Variants in SMIM14 observed in about 807,000 individuals in gnomAD.
SMIM14 encodes chromosome 4 open reading frame 34.
A neutral mutation model predicts 12.6 loss-of-function variants in SMIM14; 5 were observed. The ratio of observed to expected loss-of-function variants is 0.40; its 90% confidence interval spans 0.21 to 0.83. The LOEUF is 0.83. Among genes scored for constraint, SMIM14 ranks in the 40% least tolerant of loss-of-function variants. SMIM14 has a pLI of 0.37. For synonymous variants in SMIM14, 30 were observed against 40.1 expected (o/e 0.75, Z 0.95); for missense variants, 86 against 119.1 (o/e 0.72, Z 1.29).
At chr4:39,570,604 A>C (rs1712832994) in intron 3 of SMIM14, among the ~76,000 whole-genome samples, 1 of 152,194 alleles carries the variant, frequency 6.6e-6, no homozygotes, top group African/African-American at 2.4e-5. Flanking sequence ...CTAAGGTTCT[A>C]GTAAAAGGAA....
At chr4:39,609,346 T>C (rs995201256) in intron 1 of SMIM14, among the ~76,000 whole-genome samples, 38 of 152,092 alleles carry the variant, frequency 2.5e-4, no homozygotes, top group African/African-American at 8.9e-4. Context: ...AGCTGTTACA[T>C]AAATGGTGCC....
intron 2 of SMIM14, among the ~76,000 whole-genome samples, chr4:39,581,907 T>C (rs1215540332): frequency 2.7e-5 from 4 of 149,956 alleles, no homozygotes; most frequent in Non-Finnish European, 5.9e-5. Context: ...GTTTCACTCT[T>C]GTTGCCCAGG....
In SMIM14 at chr4:39,595,256, G is replaced by A. The variant is rs1015707609; in HGVS notation, c.75+9815C>T. ...ATGATGAGTTCATGTCCTTTGTAGGGACATGGATGAAATTGGAAATCATCA... is the reference window on the plus strand; with the variant it reads ...ATGATGAGTTCATGTCCTTTGTAGGAACATGGATGAAATTGGAAATCATCA... On this transcript the variant is annotated intron_variant, in intron 2 of 4. Coordinates refer to ENST00000295958, the MANE Select transcript of SMIM14 (RefSeq NM_174921.3). Among the ~76,000 whole-genome samples the A allele has an allele frequency of 8.0e-4, 120 of 150,570 alleles. 1 individual carries two copies. The highest frequency in any genetic ancestry group is 2.9e-3 in the African/African-American group (119 of 40,944).
At chr4:39,562,675 C>CT (rs1265457690) in intron 3 of SMIM14, among the ~76,000 whole-genome samples, 2 of 151,740 alleles carry the variant, frequency 1.3e-5, no homozygotes, top group Non-Finnish European at 2.9e-5. Flanking sequence ...ATTTTTAAAA[C>CT]TTTTTTTATT....
intron 3 of SMIM14, among the ~76,000 whole-genome samples, chr4:39,564,000 T>C (rs1374325420): frequency 6.6e-6 from 1 of 152,120 alleles, no homozygotes; most frequent in African/African-American, 2.4e-5. Flanking sequence ...CCATCTTGGC[T>C]CACTGCAACC....
intron 2 of SMIM14, among the ~76,000 whole-genome samples, chr4:39,579,759 G>A (rs762615796): frequency 6.0e-5 from 9 of 149,030 alleles, no homozygotes; most frequent in Admixed American, 2.1e-4. Context: ...CAGGAGAATC[G>A]CTTGAACCCC....
chr4:39,635,097 A>T (rs1716042927), intron 1 of SMIM14, among the ~76,000 whole-genome samples: 1 of 152,248 alleles, frequency 6.6e-6, no homozygotes, highest in East Asian at 1.9e-4. Flanking sequence ...ATCTGACCTA[A>T]CACCTGAATA....
At chr4:39,609,668 C>T (rs77932110) in intron 1 of SMIM14, among the ~76,000 whole-genome samples, 1 of 152,078 alleles carries the variant, frequency 6.6e-6, no homozygotes, top group African/African-American at 2.4e-5. Flanking sequence ...AGGGTCTTTC[C>T]GGCTATGTTC....
At chr4:39,614,557 G>C (rs1164985256) in intron 1 of SMIM14, among the ~76,000 whole-genome samples, 1 of 152,004 alleles carries the variant, frequency 6.6e-6, no homozygotes, top group East Asian at 1.9e-4. Flanking sequence ...CTCAACCTCA[G>C]GTGATCTGCC....
At chr4:39,588,279 C>T (rs552428828) in intron 2 of SMIM14, among the ~76,000 whole-genome samples, 4 of 152,110 alleles carry the variant, frequency 2.6e-5, no homozygotes, top group South Asian at 2.1e-4. Context: ...TGGTGGCTCA[C>T]GCCTGTAATC....
At chr4:39,593,397 C>T (rs1179370304) in intron 2 of SMIM14, 7 of 152,124 alleles carry the variant, frequency 4.6e-5, no homozygotes, top group African/African-American at 7.2e-5. Context: ...ATTGATGGGA[C>T]GTATCTCAAA....
At chr4:39,563,855 T>A (rs1712443012) in intron 3 of SMIM14, among the ~76,000 whole-genome samples, 1 of 152,156 alleles carries the variant, frequency 6.6e-6, no homozygotes, top group Non-Finnish European at 1.5e-5. Context: ...GCCTCAAGTT[T>A]CTTTTTCTTT....
At chr4:39,591,095 C>A (rs1454011047) in intron 2 of SMIM14, among the ~76,000 whole-genome samples, 1 of 152,082 alleles carries the variant, frequency 6.6e-6, no homozygotes, top group Non-Finnish European at 1.5e-5. Context: ...TACATACAAT[C>A]TATGAACATC....
chr4:39,578,841 C>T (rs1361172599), intron 2 of SMIM14, among the ~76,000 whole-genome samples: 1 of 151,682 alleles, frequency 6.6e-6, no homozygotes, highest in Non-Finnish European at 1.5e-5. Flanking sequence ...ACTAAAAATA[C>T]AACAATTAGC....
intron 1 of SMIM14, among the ~76,000 whole-genome samples, chr4:39,620,683 G>A (rs1466294572): frequency 1.3e-5 from 2 of 152,216 alleles, no homozygotes; most frequent in South Asian, 2.1e-4. Flanking sequence ...TGTACTATAG[G>A]AATGTAATGA....
At chr4:39,636,905 G>T (rs1302270755) in intron 1 of SMIM14, among the ~76,000 whole-genome samples, 3 of 152,128 alleles carry the variant, frequency 2.0e-5, no homozygotes, top group African/African-American at 7.2e-5. Flanking sequence ...AAATATGATT[G>T]TATTTTCAAA....
At chr4:39,622,391 T>C (rs918201895) in intron 1 of SMIM14, among the ~76,000 whole-genome samples, 2 of 151,556 alleles carry the variant, frequency 1.3e-5, no homozygotes, top group African/African-American at 4.9e-5. Context: ...CACAAATGCA[T>C]GTTTTATTTT....
intron 1 of SMIM14, among the ~76,000 whole-genome samples, chr4:39,605,672 G>C (rs73240624): frequency 0.26 from 39,720 of 152,056 alleles, 5,715 homozygotes; most frequent in Non-Finnish European, 0.33. Flanking sequence ...TTGGCAACCA[G>C]ATTTACTGTT....
At chr4:39,585,808 C>G (rs544520159) in intron 2 of SMIM14, among the ~76,000 whole-genome samples, 1 of 152,052 alleles carries the variant, frequency 6.6e-6, no homozygotes, top group South Asian at 2.1e-4. Context: ...AGAGGCCAAC[C>G]GGTGTGCTGA....
Sources: allele counts gnomAD v4.1 joint callset (sites outside exome capture counted in the v4.1 genomes callset), GRCh38; gene constraint gnomAD v4.1.1; transcripts MANE v1.5; gene names NCBI Gene and HGNC (gene_info 2026-07-23, HGNC 2026-07-21).